The following ESRP1 variants were observed in gnomAD, a reference collection of about 807,000 sequenced individuals.
The protein encoded by ESRP1 is epithelial splicing regulatory protein 1.
A neutral mutation model predicts 81.7 loss-of-function variants in ESRP1; 33 were observed. The observed-to-expected ratio is 0.40, with a 90% CI of 0.31 to 0.54. The LOEUF (loss-of-function observed/expected upper bound fraction) is 0.54. ESRP1 is among the 20% of genes least tolerant of loss of function. The pLI is 0.41. For synonymous variants in ESRP1, 320 were observed against 303.3 expected, an observed-to-expected ratio of 1.06 and a Z score of -0.57; for missense variants, 672 against 833.1, an observed-to-expected ratio of 0.81 and a Z score of 2.38.
chr8:94,671,729 A>G, intron 11 of ESRP1, 58 bp downstream of exon 11: 2 of 1,166,616 alleles, frequency 1.7e-6, no homozygotes, highest in South Asian at 3.0e-5. Context: ...TATGAGAAAT[A>G]TCTAATATTA....
At chr8:94,689,315 T>A (rs1338187981) in intron 13 of ESRP1, among the ~76,000 whole-genome samples, 1 of 129,658 alleles carries the variant, frequency 7.7e-6, no homozygotes, top group Admixed American at 8.0e-5. Context: ...TTTATTTAGA[T>A]GATCTTTTTT....
chr8:94,703,074 G>T (rs1809902972), intron 15 of ESRP1, among the ~76,000 whole-genome samples: 1 of 150,892 alleles, frequency 6.6e-6, no homozygotes, highest in Non-Finnish European at 1.5e-5. Context: ...AGCTAAACGG[G>T]AAGAGGAAAC....
rs1808715580 is a variant in ESRP1 at position 94,678,146 on chromosome 8, C to T, written c.1652-57C>T. The stretch of plus-strand genomic sequence containing the variant: ...ACAGTGACTATGTTTTTAGTGCTAG[C>T]ACGTGCATGTCAGCTGTTACAAATA... On this transcript the variant is annotated intron_variant, in intron 12 of 15. Coordinates refer to ENST00000433389, the MANE Select transcript of ESRP1 (RefSeq NM_017697.4). 30 of 1,554,176 alleles carry T rather than the reference C, an allele frequency of 1.9e-5. No individual in the cohort carries two copies. In the South Asian group the frequency reaches 2.1e-4, roughly 11 times the overall value.
chr8:94,696,701 G>A (rs1482392759), intron 14 of ESRP1, 151 bp from the exon 15 acceptor site: 1 of 548,150 alleles, frequency 1.8e-6, no homozygotes, highest in Non-Finnish European at 3.2e-6. Flanking sequence ...AAAGATTTGG[G>A]TTAGTAGATA....
chr8:94,678,670 C>T (rs1040633002), intron 13 of ESRP1, among the ~76,000 whole-genome samples: 1 of 152,162 alleles, frequency 6.6e-6, no homozygotes, highest in Non-Finnish European at 1.5e-5. Context: ...AATAGGATGG[C>T]AATATCAGAT....
intron 13 of ESRP1, chr8:94,688,369 C>T (rs930509954): frequency 1.5e-4 from 41 of 272,316 alleles, no homozygotes; most frequent in African/African-American, 8.2e-4. Context: ...GTTACAATGG[C>T]GAATTTGAAG....
intron 10 of ESRP1, among the ~76,000 whole-genome samples, chr8:94,670,544 A>G (rs1201647592): frequency 2.0e-5 from 3 of 152,274 alleles, no homozygotes; most frequent in East Asian, 1.9e-4. Flanking sequence ...TATATTGTCA[A>G]TTTATGGGAT....
At chr8:94,690,298 TTTTTTTGG>T (rs1223736011) in intron 13 of ESRP1, among the ~76,000 whole-genome samples, 4 of 100,526 alleles carry the variant, frequency 4.0e-5, no homozygotes, top group African/African-American at 1.2e-4. Context: ...TTTTTTTTTT[TTTTTTTGG>T]ATTTTTAGTG....
chr8:94,697,033 A>T (rs1380523762), intron 15 of ESRP1, 72 bp downstream of exon 15: 27 of 998,936 alleles, frequency 2.7e-5, no homozygotes, highest in Non-Finnish European at 3.9e-5. Flanking sequence ...GGCATTTAGA[A>T]ATCAACTGAG....
chr8:94,669,102 G>A (rs1819174993), intron 10 of ESRP1, among the ~76,000 whole-genome samples: 1 of 152,068 alleles, frequency 6.6e-6, no homozygotes. Context: ...GCATTTTTGA[G>A]GCACAAAATG....
Position 94,667,907 on chromosome 8 carries a change from T to G in ESRP1, c.932-42T>G, listed in dbSNP as rs778825297. On this transcript the variant is annotated intron_variant, in intron 9 of 15. Transcript: ENST00000433389. ...TTTAAAATCGGTAAAGTTGATGTCT[T>G]AACTATTTCTCTCCCTGCTTCCTAA... 6.7e-6 allele frequency: 10 copies of G among 1,497,280 alleles called. No individual in the cohort carries two copies. The Middle Eastern group carries it at 8.9e-4, about 134-fold the overall frequency. 92.7% of individuals were successfully genotyped at this position (1,497,280 alleles called of 1,614,324 possible).
chr8:94,677,982 G>A (rs917295497), intron 12 of ESRP1, among the ~76,000 whole-genome samples: 2 of 152,110 alleles, frequency 1.3e-5, no homozygotes, highest in Admixed American at 6.5e-5. Flanking sequence ...TGGTGTTTCC[G>A]AATTTCAGGC....
intron 13 of ESRP1, among the ~76,000 whole-genome samples, chr8:94,686,436 T>G (rs964697635): frequency 4.6e-5 from 7 of 152,270 alleles, no homozygotes; most frequent in Non-Finnish European, 8.8e-5. Flanking sequence ...TACAAGCCTT[T>G]GGAACAGCCC....
At chr8:94,651,239 C>CT (rs35413910) in intron 4 of ESRP1, among the ~76,000 whole-genome samples, 26,253 of 102,620 alleles carry the variant, frequency 0.26, 3,327 homozygotes, top group African/African-American at 0.41. Context: ...ATAGTGTGGT[C>CT]TTTTTTTTTT....
At chr8:94,668,834 C>A (rs1819161163) in intron 10 of ESRP1, among the ~76,000 whole-genome samples, 1 of 91,066 alleles carries the variant, frequency 1.1e-5, no homozygotes, top group African/African-American at 5.4e-5. Context: ...GCTCTGTCAC[C>A]CAGGCTGGAG....
chr8:94,703,272 A>G (rs1357352769), intron 15 of ESRP1, among the ~76,000 whole-genome samples: 1 of 151,966 alleles, frequency 6.6e-6, no homozygotes, highest in Non-Finnish European at 1.5e-5. Flanking sequence ...CTCCTGCCTC[A>G]GCCTCCCGAG....
chr8:94,692,805 T>A lies in ESRP1; in HGVS notation c.1949T>A (p.Leu650His). The part of the protein sequence containing the change: ...LAYNTGVKEI[L>H]NFFQGYQYAT... ...TACAATACTGGAGTTAAGGAAATTC[T>A]TAACTTCTTCCAAGGTTACCAGGTC... Residue 650 changes from leucine to histidine, a missense_variant, in exon 14 of 16, where the codon CTT becomes CAT. Leu to His is a moderately conservative substitution (Grantham distance 99). Transcript: ENST00000433389. The A allele has an allele frequency of 3.1e-6, 5 of 1,613,564 alleles. No individual in the cohort carries two copies. The highest frequency in any genetic ancestry group is 1.1e-5 in the South Asian group (1 of 90,946).
rs1185254547 is a variant in ESRP1 at position 94,672,546 on chromosome 8, T to C, written c.1452+875T>C. Reference sequence around the variant, plus strand: ...GTTGAAACTTTGGAACTTTTTTTTTTTTTTGAGACAGAGTCTCACTCTGTC... The same window carrying C: ...GTTGAAACTTTGGAACTTTTTTTTTCTTTTGAGACAGAGTCTCACTCTGTC... On this transcript the variant is annotated intron_variant, in intron 11 of 15. Coordinates refer to ENST00000433389, the MANE Select transcript of ESRP1 (RefSeq NM_017697.4). 5.3e-5 allele frequency among the ~76,000 whole-genome samples: 8 copies of C among 152,184 alleles called. No homozygotes were observed. The South Asian group carries it at 8.3e-4, about 16-fold the overall frequency.
At chr8:94,647,582 T>A (rs1817913230) in intron 4 of ESRP1, among the ~76,000 whole-genome samples, 1 of 152,134 alleles carries the variant, frequency 6.6e-6, no homozygotes, top group African/African-American at 2.4e-5. Flanking sequence ...TCTTACAAGG[T>A]CACTGCCCTA....
Sources: gnomAD v4.1 joint callset for allele counts (sites outside exome capture counted in the v4.1 genomes callset) on GRCh38, gnomAD v4.1.1 for gene constraint, MANE v1.5 for transcripts, NCBI Gene and HGNC (gene_info 2026-07-23, HGNC 2026-07-21) for gene names.